The following MTG1 variants were observed in gnomAD, a reference collection of about 807,000 sequenced individuals.
MTG1 encodes the protein mitochondrial ribosome-associated GTPase 1.
MTG1 carries 30 observed loss-of-function variants against 39.5 expected under a neutral mutation model. The observed-to-expected ratio is 0.76, with a 90% CI of 0.57 to 1.03. The LOEUF (loss-of-function observed/expected upper bound fraction) is 1.03, where lower values mean the gene tolerates loss of function less well. Among genes scored for constraint, MTG1 ranks in the 50% least tolerant of loss-of-function variants. The pLI is 0.00. For synonymous variants in MTG1, 217 were observed against 179.0 expected (o/e 1.21, Z -1.69); for missense variants, 513 against 447.4 (o/e 1.15, Z -1.32).
In MTG1 at chr10:133,395,980, C is replaced by T. The variant is rs11101736; in HGVS notation, c.178-183C>T. Among the ~76,000 whole-genome samples the T allele has an allele frequency of 2.4e-3, 360 of 152,296 alleles. 10 individuals are homozygous for T. The East Asian group carries it at 0.06, about 26-fold the overall frequency. On this transcript the variant is annotated intron_variant, in intron 2 of 10. Coordinates refer to ENST00000317502, the MANE Select transcript of MTG1 (RefSeq NM_138384.4). The stretch of plus-strand genomic sequence containing the variant: ...TCTGCGTCACTCAAGCCTGACGGTA[C>T]GGTGCAGCAGTGGAATCCTCTAGAT...
intron 3 of MTG1, among the ~76,000 whole-genome samples, chr10:133,396,851 A>G (rs56100240): frequency 0.097 from 14,805 of 152,160 alleles, 802 homozygotes; most frequent in Middle Eastern, 0.17. Flanking sequence ...CCACCAGAGG[A>G]CTCCTTGGTC....
Position 133,396,198 on chromosome 10 carries a change from A to C in MTG1, c.213A>C (p.Glu71Asp). 2 of 1,614,208 alleles carry C rather than the reference A, an allele frequency of 1.2e-6. No homozygotes were observed. The highest frequency in any genetic ancestry group is 1.7e-6 in the Non-Finnish European group (2 of 1,180,028). Residue 71 changes from glutamate (E) to aspartate (D), a missense_variant, in exon 3 of 11, where the codon GAA (glutamate) becomes GAC (aspartate). Physicochemically the swap from Glu to Asp is conservative, Grantham distance 45. Transcript: ENST00000317502. Reference protein sequence around the residue: ...PLSGRNPLFQETLGLKPHLLV... With the variant: ...PLSGRNPLFQDTLGLKPHLLV... Reference sequence around the variant, plus strand: ...CAGGCCGCAACCCTCTGTTTCAGGAAACCCTTGGGCTTAAGCCTCACTTGC... The same window carrying C: ...CAGGCCGCAACCCTCTGTTTCAGGACACCCTTGGGCTTAAGCCTCACTTGC...
rs544331020 is a variant in MTG1, at chr10:133,398,651, G to A, written c.363+136G>A. On this transcript the variant is annotated intron_variant, in intron 4 of 10. Transcript: ENST00000317502. ...GTGTTGGTTTCCAGCTGCCACACAC[G>A]GATGCGATCTCCTGGGGCAAGTGGG... 1.6e-5 allele frequency: 15 copies of A among 961,662 alleles called. No homozygotes were observed. In the East Asian group the frequency reaches 3.4e-4, roughly 22 times the overall value. 59.6% of individuals were successfully genotyped at this position (961,662 alleles called of 1,614,324 possible). A position where few individuals can be genotyped will look rare whatever the true frequency, so the allele number is the denominator to read the frequency against.
intron 6 of MTG1, 48 bp from the exon 7 acceptor site, chr10:133,401,481 T>A: frequency 6.7e-7 from 1 of 1,483,814 alleles, no homozygotes; most frequent in Non-Finnish European, 9.1e-7. Flanking sequence ...GTTCTGCAGC[T>A]TCTGTGTTTA....
chr10:133,408,147 G>C (rs1473290846), intron 9 of MTG1, among the ~76,000 whole-genome samples: 1 of 152,216 alleles, frequency 6.6e-6, no homozygotes, highest in Non-Finnish European at 1.5e-5. Flanking sequence ...TGTTGTTCCA[G>C]ATCTTGGAGA....
Position 133,399,718 on chromosome 10 carries a change from G to A in MTG1, c.511+99G>A, listed in dbSNP as rs958712288. On this transcript the variant is annotated intron_variant, in intron 6 of 10. Transcript: ENST00000317502. ...TTCTTGGAGGGGACGTGCCCGAGGA[G>A]CACTGCCAGTCTTCTGCTGACCCCG... 2.4e-6 allele frequency: 3 copies of A among 1,248,928 alleles called. No individual in the cohort carries two copies. The African/African-American group carries it at 4.4e-5, about 18-fold the overall frequency. The allele number at this position is 1,248,928 out of a possible 1,614,324, so 77.4% of individuals were successfully genotyped here. A position where few individuals can be genotyped will look rare whatever the true frequency, so the allele number is the denominator to read the frequency against.
intron 9 of MTG1, among the ~76,000 whole-genome samples, chr10:133,416,973 C>T (rs1355224406): frequency 2.0e-5 from 3 of 151,552 alleles, no homozygotes; most frequent in Admixed American, 6.6e-5. Context: ...CCTGAGGAAT[C>T]GCCACACTGA....
intron 3 of MTG1, among the ~76,000 whole-genome samples, chr10:133,398,234 G>A (rs1849817396): frequency 6.6e-6 from 1 of 152,156 alleles, no homozygotes; most frequent in Non-Finnish European, 1.5e-5. Flanking sequence ...GCATGTTAAG[G>A]CCAGTGAATT....
At chr10:133,394,491 C>A (rs1200396379) in intron 1 of MTG1, 159 bp downstream of exon 1, 1 of 1,337,172 alleles carries the variant, frequency 7.5e-7, no homozygotes, top group Non-Finnish European at 9.6e-7. Flanking sequence ...TCACCCGCTC[C>A]CGGAGCCGCC....
At chr10:133,410,554 T>C (rs1281084327) in intron 9 of MTG1, among the ~76,000 whole-genome samples, 1 of 152,240 alleles carries the variant, frequency 6.6e-6, no homozygotes, top group Middle Eastern at 3.2e-3. Context: ...TTTTAGTCTA[T>C]GTATTATATG....
At chr10:133,398,565 G>T in intron 4 of MTG1, 50 bp downstream of exon 4, 1 of 1,568,636 alleles carries the variant, frequency 6.4e-7, no homozygotes, top group Non-Finnish European at 8.7e-7. Context: ...CAGTAGGTTC[G>T]AGGAGCATTA....
Position 133,402,958 on chromosome 10 carries a change from C to G in MTG1, c.752+185C>G. ...GCTATACGTCTGTGAAAGCAACACACAATCAAGAAAACGAGCGTTCCCGTC... is the reference window on the plus strand; with the variant it reads ...GCTATACGTCTGTGAAAGCAACACAGAATCAAGAAAACGAGCGTTCCCGTC... On this transcript the variant is annotated intron_variant, in intron 9 of 10. Transcript: ENST00000317502. This position sits in a 1 kb window ranked among gnomAD's most constrained non-coding sequence, Gnocchi z 4.7. 1.8e-6 allele frequency: 1 copy of G among 541,424 alleles called. No homozygotes were observed. Among genetic ancestry groups the G allele is most frequent in the Non-Finnish European group, 3.3e-6 (1 of 305,806 alleles). 33.5% of individuals were successfully genotyped at this position (541,424 alleles called of 1,614,324 possible). A position where few individuals can be genotyped will look rare whatever the true frequency, so the allele number is the denominator to read the frequency against.
intron 9 of MTG1, among the ~76,000 whole-genome samples, chr10:133,406,581 A>G (rs759386608): frequency 9.9e-5 from 15 of 152,160 alleles, no homozygotes; most frequent in South Asian, 2.1e-4. Flanking sequence ...TATACAAAAA[A>G]AATCTGGCCC....
At chr10:133,397,517 C>T (rs111714487) in intron 3 of MTG1, among the ~76,000 whole-genome samples, 6,326 of 149,228 alleles carry the variant, frequency 0.042, 180 homozygotes, top group Non-Finnish European at 0.055. Context: ...CTTGCTCTGT[C>T]GCCCAGGCTG....
intron 9 of MTG1, among the ~76,000 whole-genome samples, chr10:133,409,633 A>G (rs190126509): frequency 2.6e-5 from 4 of 152,106 alleles, no homozygotes; most frequent in Non-Finnish European, 5.9e-5. Context: ...GCCCCCTACT[A>G]TTACTGTATT....
Position 133,402,333 on chromosome 10 carries a change from G to A in MTG1, c.670+88G>A. 6.7e-7 allele frequency: 1 copy of A among 1,497,392 alleles called. No homozygotes were observed. Among genetic ancestry groups the A allele is most frequent in the Non-Finnish European group, 9.2e-7 (1 of 1,082,310 alleles). The allele number at this position is 1,497,392 out of a possible 1,614,324, so 92.8% of individuals were successfully genotyped here. A position where few individuals can be genotyped will look rare whatever the true frequency, so the allele number is the denominator to read the frequency against. On this transcript the variant is annotated intron_variant, in intron 8 of 10. Transcript: ENST00000317502. The surrounding 1 kb of genome is among the most constrained non-coding windows in gnomAD (Gnocchi z 4.7). ...GGCTGGCTTTGGCACAGGGCCCCTA[G>A]ACGGGAGTTGTTACTGCCTTTGACC...
chr10:133,406,665 C>CTTTTT (rs34249527), intron 9 of MTG1, among the ~76,000 whole-genome samples: 4 of 122,958 alleles, frequency 3.3e-5, no homozygotes, highest in East Asian at 2.4e-4. Context: ...AGATTTAAGT[C>CTTTTT]TTTTTTTTTT....
At position 133,398,467 on chromosome 10, in the gene MTG1, A is replaced by G. The variant is rs1228535794; in HGVS notation, c.315A>G (p.Leu105=). 6.2e-7 allele frequency: 1 copy of G among 1,613,644 alleles called. No homozygotes were observed. The change falls in exon 4 of 11, where the codon CTA becomes CTG. Residue 105 remains leucine (L), a synonymous_variant. Coordinates refer to ENST00000317502, the MANE Select transcript of MTG1 (RefSeq NM_138384.4). ...TGCAACACTTAGAAGGAGAAGGCCT[A>G]AAAAATGTCATTTTTACCAACTGTG... ...KIMQHLEGEG[L]KNVIFTNCVK... is the part of the protein sequence containing the mutation.
At chr10:133,413,863 ATATTT>A (rs1461820536) in intron 9 of MTG1, among the ~76,000 whole-genome samples, 2 of 151,052 alleles carry the variant, frequency 1.3e-5, no homozygotes, top group Admixed American at 6.6e-5. Context: ...AAAGTTGTAT[ATATTT>A]TCCCATCAGT....
Sources: gnomAD v4.1 joint callset for allele counts (sites outside exome capture counted in the v4.1 genomes callset) on GRCh38, gnomAD v4.1.1 for gene constraint, Gnocchi (gnomAD v3.1) non-coding constraint, MANE v1.5 for transcripts, NCBI Gene and HGNC (gene_info 2026-07-23, HGNC 2026-07-21) for gene names.